The following MTUS2 variants were observed in gnomAD, a reference collection of about 807,000 sequenced individuals.
MTUS2 encodes microtubule associated scaffold protein 2, also known as microtubule-associated tumor suppressor candidate 2.
Under a neutral mutation model 114.1 loss-of-function variants are expected in MTUS2, and 40 were observed. The ratio of observed to expected loss-of-function variants is 0.35; its 90% confidence interval spans 0.27 to 0.46. MTUS2 has a LOEUF of 0.46. MTUS2 is among the 20% of genes least tolerant of loss of function. The pLI, the probability that MTUS2 is intolerant of heterozygous loss-of-function variation, is 1.00. For synonymous variants in MTUS2, 688 were observed against 672.0 expected (o/e 1.02, Z -0.37); for missense variants, 1,679 against 1,705.4 (o/e 0.98, Z 0.27).
chr13:29,124,474 A>G (rs1003167928), intron 5 of MTUS2, among the ~76,000 whole-genome samples: 23 of 152,188 alleles, frequency 1.5e-4, no homozygotes, highest in African/African-American at 5.1e-4. Flanking sequence ...ACCCTCATGC[A>G]TTGCCGATTG....
chr13:29,202,026 A>AT (rs1344128797), intron 5 of MTUS2, among the ~76,000 whole-genome samples: 1 of 152,068 alleles, frequency 6.6e-6, no homozygotes, highest in East Asian at 1.9e-4. Context: ...TGTTCTCTGT[A>AT]TTTCCTGAAT....
intron 5 of MTUS2, among the ~76,000 whole-genome samples, chr13:29,261,671 C>G (rs1309898105): frequency 1.3e-5 from 2 of 152,202 alleles, no homozygotes; most frequent in Non-Finnish European, 2.9e-5. Flanking sequence ...TTAATAACTT[C>G]AGCAGAATTT....
intron 6 of MTUS2, among the ~76,000 whole-genome samples, chr13:29,298,008 A>G (rs987455302): frequency 1.3e-5 from 2 of 152,212 alleles, no homozygotes; most frequent in Admixed American, 1.3e-4. Flanking sequence ...TCTGCTGTTC[A>G]TATGTCAAAT....
intron 9 of MTUS2, among the ~76,000 whole-genome samples, chr13:29,448,265 G>C (rs1175254427): frequency 1.3e-5 from 2 of 152,160 alleles, no homozygotes; most frequent in Admixed American, 1.3e-4. Context: ...TGCCCTGCCA[G>C]CCAGACTGGA....
In MTUS2 at chr13:28,905,010, G is replaced by A. The variant is rs1461194560; in HGVS notation, c.-243+65160G>A. On this transcript the variant is annotated intron_variant, in intron 2 of 15. Transcript: ENST00000612955. ...GATTCGTAGGTATTTTATTCTCTTTGAAGCAATTGTGAATGGGAGTTCACT... is the reference window on the plus strand; with the variant it reads ...GATTCGTAGGTATTTTATTCTCTTTAAAGCAATTGTGAATGGGAGTTCACT... Among the ~76,000 whole-genome samples the A allele has an allele frequency of 2.0e-5, 3 of 151,464 alleles. 1 individual carries two copies. Among genetic ancestry groups the A allele is most frequent in the African/African-American group, 4.9e-5 (2 of 40,940 alleles).
chr13:29,015,425 T>C (rs1174390160), intron 2 of MTUS2, among the ~76,000 whole-genome samples: 3 of 152,160 alleles, frequency 2.0e-5, no homozygotes, highest in Non-Finnish European at 2.9e-5. Flanking sequence ...TTGAGGGTAG[T>C]AGGTATTTAT....
chr13:29,010,000 A>G (rs1191046159), intron 2 of MTUS2, among the ~76,000 whole-genome samples: 1 of 152,110 alleles, frequency 6.6e-6, no homozygotes, highest in African/African-American at 2.4e-5. Context: ...TCACAAAGTC[A>G]GGAGTTCGAG....
At chr13:28,889,113 C>G (rs1878767806) in intron 2 of MTUS2, among the ~76,000 whole-genome samples, 1 of 152,016 alleles carries the variant, frequency 6.6e-6, no homozygotes, top group African/African-American at 2.4e-5. Context: ...TTTTTAATTC[C>G]TTGTGATGAT....
At chr13:28,887,760 T>A (rs1352931415) in intron 2 of MTUS2, among the ~76,000 whole-genome samples, 1 of 152,128 alleles carries the variant, frequency 6.6e-6, no homozygotes, top group Non-Finnish European at 1.5e-5. Context: ...TAGGACCTTT[T>A]TCTTCTCCCA....
intron 4 of MTUS2, among the ~76,000 whole-genome samples, chr13:29,068,972 A>G (rs1171939881): frequency 6.6e-6 from 1 of 152,008 alleles, no homozygotes; most frequent in African/African-American, 2.4e-5. Context: ...ACAGGAGTGG[A>G]GTAGGGTAGG....
At position 29,053,079 on chromosome 13, in the gene MTUS2, C is replaced by T. The variant is rs747517713; in HGVS notation, c.2446+18954C>T. Among the ~76,000 whole-genome samples the T allele has an allele frequency of 2.0e-5, 3 of 152,116 alleles. No homozygotes were observed. In the East Asian group the frequency reaches 5.8e-4, roughly 29 times the overall value. Reference sequence around the variant, plus strand: ...TTAAACATTTTTCTTTATAAATTACCCAGTCTTGGATAATTTATTCTTCAT... The same window carrying T: ...TTAAACATTTTTCTTTATAAATTACTCAGTCTTGGATAATTTATTCTTCAT... On this transcript the variant is annotated intron_variant, in intron 4 of 15. Coordinates refer to ENST00000612955, the MANE Select transcript of MTUS2 (RefSeq NM_001033602.4).
At chr13:29,269,959 G>A (rs1897817415) in intron 5 of MTUS2, among the ~76,000 whole-genome samples, 3 of 152,136 alleles carry the variant, frequency 2.0e-5, no homozygotes, top group South Asian at 4.1e-4. Context: ...AGTCACAGAA[G>A]CACAGATACT....
At chr13:29,221,094 C>A (rs1895890501) in intron 5 of MTUS2, among the ~76,000 whole-genome samples, 1 of 152,160 alleles carries the variant, frequency 6.6e-6, no homozygotes, top group Admixed American at 6.5e-5. Flanking sequence ...GCCCTAATGC[C>A]CCATGTCACC....
At chr13:29,368,988 C>T (rs1018203327) in intron 8 of MTUS2, among the ~76,000 whole-genome samples, 2 of 152,026 alleles carry the variant, frequency 1.3e-5, no homozygotes, top group South Asian at 2.1e-4. Context: ...AGAGGGGTTG[C>T]AGGAAAGGGG....
intron 5 of MTUS2, among the ~76,000 whole-genome samples, chr13:29,241,068 A>G (rs1213094343): frequency 6.6e-6 from 1 of 152,234 alleles, no homozygotes; most frequent in Non-Finnish European, 1.5e-5. Context: ...AAAAACATAT[A>G]TTACATTTAA....
intron 8 of MTUS2, among the ~76,000 whole-genome samples, chr13:29,377,459 C>A (rs866064507): frequency 6.6e-6 from 1 of 152,034 alleles, no homozygotes; most frequent in Middle Eastern, 3.4e-3. Flanking sequence ...AAACACAAAC[C>A]AATAAGACAA....
intron 4 of MTUS2, among the ~76,000 whole-genome samples, chr13:29,077,939 AC>A (rs1303853128): frequency 2.0e-5 from 3 of 152,206 alleles, no homozygotes; most frequent in Non-Finnish European, 4.4e-5. Context: ...AAATGGCAAA[AC>A]AAACTTAATT....
At chr13:29,177,585 C>A (rs1287184880) in intron 5 of MTUS2, among the ~76,000 whole-genome samples, 1 of 152,126 alleles carries the variant, frequency 6.6e-6, no homozygotes, top group Non-Finnish European at 1.5e-5. Flanking sequence ...TCAGTAGATT[C>A]AAACTGGAAC....
At chr13:28,963,188 A>G (rs540981643) in intron 2 of MTUS2, among the ~76,000 whole-genome samples, 109 of 152,176 alleles carry the variant, frequency 7.2e-4, no homozygotes, top group African/African-American at 2.5e-3. Context: ...CATCTCTACT[A>G]AAAATATAAA....
Sources: gnomAD v4.1 joint callset for allele counts (sites outside exome capture counted in the v4.1 genomes callset) on GRCh38, gnomAD v4.1.1 for gene constraint, MANE v1.5 for transcripts, NCBI Gene and HGNC (gene_info 2026-07-23, HGNC 2026-07-21) for gene names.